FMO5: variants seen among roughly 807,000 people sequenced by gnomAD.
FMO5 encodes flavin-containing monooxygenase 5.
Under a neutral mutation model 43.6 loss-of-function variants are expected in FMO5, and 51 were observed. The ratio of observed to expected loss-of-function variants is 1.17; its 90% CI spans 0.93 to 1.48. The LOEUF (loss-of-function observed/expected upper bound fraction) is 1.48, where lower values mean the gene tolerates loss of function less well. Among genes scored for constraint, FMO5 ranks in the 40% most tolerant of loss-of-function variants. The pLI is 0.00. For missense variants in FMO5, 644 were observed against 643.0 expected (o/e 1.00, Z -0.02); for synonymous variants, 187 against 216.5 (o/e 0.86, Z 1.20).
chr1:147,224,410 T>G (rs1274751980), intron 2 of FMO5: 3 of 157,160 alleles, frequency 1.9e-5, no homozygotes, highest in African/African-American at 7.2e-5. Context: ...CTTCAAAAAA[T>G]GTAAAAATAA....
At chr1:147,226,867 C>T (rs1171442111), upstream of FMO5, among the ~76,000 whole-genome samples, 3 of 151,034 alleles carry the variant, frequency 2.0e-5, no homozygotes, top group Non-Finnish European at 4.4e-5. Context: ...GGGTCTCACT[C>T]TGGCACTTGG....
intron 2 of FMO5, among the ~76,000 whole-genome samples, chr1:147,222,332 TAC>T (rs1466330605): frequency 6.6e-6 from 1 of 152,120 alleles, no homozygotes; most frequent in African/African-American, 2.4e-5. Context: ...CACGCCACTA[TAC>T]TCCAGCCTGG....
At chr1:147,201,635 G>A in intron 6 of FMO5, 131 bp from the exon 7 acceptor site, 1 of 665,950 alleles carries the variant, frequency 1.5e-6, no homozygotes, top group South Asian at 1.9e-5. Context: ...CATGAAGTTT[G>A]GAAAAGGTCT....
chr1:147,219,688 T>C (rs1437654238), intron 2 of FMO5, among the ~76,000 whole-genome samples: 1 of 151,050 alleles, frequency 6.6e-6, no homozygotes, highest in African/African-American at 2.4e-5. Context: ...GGAATAAAGA[T>C]AACTTTTTAT....
At chr1:147,186,234 G>A (rs1214371580), downstream of FMO5, 3 of 754,676 alleles carry the variant, frequency 4.0e-6, no homozygotes, top group Non-Finnish European at 4.8e-6. Flanking sequence ...GATGGTAGAT[G>A]ATCTGAATGA....
chr1:147,188,724 AAAAT>A (rs782071089), intron 8 of FMO5, among the ~76,000 whole-genome samples: 29 of 151,250 alleles, frequency 1.9e-4, no homozygotes, highest in African/African-American at 2.9e-4. Flanking sequence ...ACTTAAATAT[AAAAT>A]AAATAAATAA....
chr1:147,216,816 G>T (rs1166375913), intron 2 of FMO5, among the ~76,000 whole-genome samples: 1 of 152,148 alleles, frequency 6.6e-6, no homozygotes, highest in Non-Finnish European at 1.5e-5. Context: ...ATCAGAACCT[G>T]CATCTTAGCA....
intron 7 of FMO5, among the ~76,000 whole-genome samples, chr1:147,195,436 A>G (rs1319166314): frequency 2.0e-5 from 3 of 152,086 alleles, no homozygotes; most frequent in African/African-American, 4.8e-5. Flanking sequence ...CCCAGCCAAA[A>G]TAAATCTTAA....
At chr1:147,204,154 CT>C in intron 6 of FMO5, 1 of 1,112,462 alleles carries the variant, frequency 9.0e-7, no homozygotes, top group Non-Finnish European at 1.4e-6. Flanking sequence ...CTTCATCAGT[CT>C]TTATCAACAC....
At chr1:147,218,567 C>G (rs1553925597) in intron 2 of FMO5, among the ~76,000 whole-genome samples, 2 of 152,188 alleles carry the variant, frequency 1.3e-5, no homozygotes. Flanking sequence ...CCACACCACT[C>G]CATGGGTATC....
At chr1:147,204,736 G>C (rs1571275769) in intron 6 of FMO5, 1 of 1,512,388 alleles carries the variant, frequency 6.6e-7, no homozygotes, top group Non-Finnish European at 9.2e-7. Flanking sequence ...TGCATCATTT[G>C]TCACAAACAA....
chr1:147,226,835 G>A (rs1224489768), upstream of FMO5, among the ~76,000 whole-genome samples: 2 of 55,360 alleles, frequency 3.6e-5, no homozygotes, highest in African/African-American at 1.6e-4. Flanking sequence ...TGGAACTGTC[G>A]AACTTTTTTT....
At chr1:147,188,522 C>CAAAAAAAAAAAAAAAAAAAAAAAAAAA (rs10552833) in intron 8 of FMO5, among the ~76,000 whole-genome samples, 1 of 61,252 alleles carries the variant, frequency 1.6e-5, no homozygotes, top group Non-Finnish European at 3.1e-5. Context: ...GACCCCATAT[C>CAAAAAAAAAAAAAAAAAAAAAAAAAAA]AAAAAAAAAA....
At chr1:147,204,931 A>G (rs914399476) in intron 6 of FMO5, 9 of 1,554,446 alleles carry the variant, frequency 5.8e-6, no homozygotes, top group Middle Eastern at 3.5e-4. Context: ...TTGAAGCGCC[A>G]TGGCCAGCCT....
chr1:147,202,037 T>A (rs959576294), intron 6 of FMO5, among the ~76,000 whole-genome samples: 5 of 152,204 alleles, frequency 3.3e-5, no homozygotes, highest in African/African-American at 1.2e-4. Context: ...ATAGGTGTCA[T>A]TATCCAGGTT....
At chr1:147,208,705 C>G (rs1394282274) in intron 6 of FMO5, 147 bp downstream of exon 6, 32 of 618,518 alleles carry the variant, frequency 5.2e-5, no homozygotes, top group Non-Finnish European at 8.5e-5. Context: ...TCCCAGAGTG[C>G]TGGGATTACA....
upstream of FMO5, among the ~76,000 whole-genome samples, chr1:147,227,245 C>T (rs1205230576): frequency 6.6e-6 from 1 of 152,112 alleles, no homozygotes; most frequent in Non-Finnish European, 1.5e-5. Context: ...TCAACACAAC[C>T]ATTTTATATG....
rs765198160 is a variant in FMO5 at position 147,186,400 on chromosome 1, A to C, written c.*500T>G. 1.1e-6 allele frequency: 1 copy of C among 895,850 alleles called. No homozygotes were observed. The highest frequency in any genetic ancestry group is 1.3e-6 in the Non-Finnish European group (1 of 748,368). The allele number at this position is 895,850 out of a possible 1,614,324, so 55.5% of individuals were successfully genotyped here. A position where few individuals can be genotyped will look rare whatever the true frequency, so the allele number is the denominator to read the frequency against. ...CATCTATATGTCTTATCTTAGATACATACAACTATTGTAGGAACATTATTT... is the reference window on the plus strand; with the variant it reads ...CATCTATATGTCTTATCTTAGATACCTACAACTATTGTAGGAACATTATTT... On this transcript the variant is annotated 3_prime_UTR_variant, in exon 9 of 9. Coordinates refer to ENST00000254090, the MANE Select transcript of FMO5 (RefSeq NM_001461.4).
At position 147,186,481 on chromosome 1, in the gene FMO5, G is replaced by A. The variant is rs1655639476; in HGVS notation, c.*419C>T. 1 of 974,906 alleles carries A rather than the reference G, an allele frequency of 1.0e-6. No homozygotes were observed. The allele number at this position is 974,906 out of a possible 1,614,324, so 60.4% of individuals were successfully genotyped here. A position where few individuals can be genotyped will look rare whatever the true frequency, so the allele number is the denominator to read the frequency against. On this transcript the variant is annotated 3_prime_UTR_variant, in exon 9 of 9. Transcript: ENST00000254090. ...TAATATGAAAAAAAACTAAAATTGA[G>A]CTTCTAATAGAAAATCAAACCCTAT... is the stretch of plus-strand genomic sequence containing the variant.
Sources: gnomAD v4.1 joint callset for allele counts (sites outside exome capture counted in the v4.1 genomes callset) on GRCh38, gnomAD v4.1.1 for gene constraint, MANE v1.5 for transcripts, NCBI Gene and HGNC (gene_info 2026-07-23, HGNC 2026-07-21) for gene names.